ITGA2: variants seen among roughly 807,000 people sequenced by gnomAD.
The protein encoded by ITGA2 is integrin subunit alpha 2, also known as integrin alpha-2.
Under a neutral mutation model 146.3 loss-of-function variants are expected in ITGA2, and 101 were observed. The ratio of observed to expected loss-of-function variants is 0.69; its 90% confidence interval spans 0.59 to 0.81. ITGA2 has a LOEUF of 0.81. Among genes scored for constraint, ITGA2 ranks in the 40% least tolerant of loss-of-function variants. The probability of loss-of-function intolerance (pLI) is 0.00; values close to 1 mark genes in which losing one functional copy is unlikely to be tolerated. For missense variants in ITGA2, 1,281 were observed against 1,402.7 expected (o/e 0.91, Z 1.39); for synonymous variants, 477 against 487.1 (o/e 0.98, Z 0.27).
intron 4 of ITGA2, among the ~76,000 whole-genome samples, chr5:53,045,926 C>T (rs10940289): frequency 0.039 from 5,914 of 152,006 alleles, 157 homozygotes; most frequent in East Asian, 0.075. Flanking sequence ...CGCGGTGGCT[C>T]ATGGCTGTAA....
At chr5:53,076,878 C>T (rs1745686117) in intron 23 of ITGA2, among the ~76,000 whole-genome samples, 1 of 151,958 alleles carries the variant, frequency 6.6e-6, no homozygotes. Context: ...GGGTCCTAGT[C>T]CTACTACCTA....
At chr5:53,087,128 C>CT (rs1746196702) in intron 28 of ITGA2, 87 bp downstream of exon 28, 1 of 873,822 alleles carries the variant, frequency 1.1e-6, no homozygotes, top group Admixed American at 1.8e-5. Flanking sequence ...CTCTTCTTAC[C>CT]TACATGTATG....
At position 53,066,471 on chromosome 5, in the gene ITGA2, GA is replaced by G. The variant is rs1221423955; in HGVS notation, c.1943+496del. On this transcript the variant is annotated intron_variant, in intron 15 of 29. Transcript: ENST00000296585. ...TCCACAGGAGTTGAAGATTCAGAGA[GA>G]ACAGTGTGAAGGTCATGTGATTCAA... 2.6e-5 allele frequency among the ~76,000 whole-genome samples: 4 copies of G among 151,994 alleles called. No homozygotes were observed. In the East Asian group the frequency reaches 7.8e-4, roughly 30 times the overall value.
intron 2 of ITGA2, among the ~76,000 whole-genome samples, chr5:53,039,535 G>C (rs938329929): frequency 6.6e-5 from 10 of 151,734 alleles, no homozygotes; most frequent in Admixed American, 5.3e-4. Context: ...CCTGACGTTA[G>C]GAGGTTGAGA....
rs761716162 is a variant in ITGA2 at position 53,042,157 on chromosome 5, G to A, written c.231G>A (p.Met77Ile). 2 of 1,613,444 alleles carry A rather than the reference G, an allele frequency of 1.2e-6. No individual in the cohort carries two copies. The highest frequency in any genetic ancestry group is 2.2e-5 in the South Asian group (2 of 91,080). Residue 77 changes from methionine (M) to isoleucine (I), a missense_variant, in exon 3 of 30, where the codon ATG becomes ATA. Met to Ile is a conservative substitution (Grantham distance 10). Around this residue, in one of 3 missense-constraint regions of ITGA2, gnomAD observed 795 missense variants for 841.7 expected, o/e 0.94. Coordinates refer to ENST00000296585, the MANE Select transcript of ITGA2 (RefSeq NM_002203.4). Reference sequence around the variant, plus strand: ...GGAGTGGCTTTCCTGAGAACCGAATGGGAGATGTGTATAAATGTCCTGTTG... The same window carrying A: ...GGAGTGGCTTTCCTGAGAACCGAATAGGAGATGTGTATAAATGTCCTGTTG... ...SPWSGFPENR[M>I]GDVYKCPVDL...
At position 53,018,346 on chromosome 5, in the gene ITGA2, G is replaced by A. The variant is rs896392480; in HGVS notation, c.65-8402G>A. Among the ~76,000 whole-genome samples the A allele has an allele frequency of 3.9e-5, 6 of 152,136 alleles. No individual in the cohort carries two copies. In the South Asian group the frequency reaches 1.0e-3, roughly 26 times the overall value. On this transcript the variant is annotated intron_variant, in intron 1 of 29. Transcript: ENST00000296585. ...TGTCTTTGTGTCAGCTCAGGTGTCC[G>A]TGGGGGTCGTGAGTTCCGCTGCTAG...
chr5:53,068,741 A>G (rs1465742987), intron 16 of ITGA2, among the ~76,000 whole-genome samples: 1 of 151,850 alleles, frequency 6.6e-6, no homozygotes, highest in African/African-American at 2.4e-5. Context: ...CGTGAATCCC[A>G]TCTTCACAAC....
At position 53,093,814 on chromosome 5, in the gene ITGA2, GCTTATA is replaced by G. The variant is rs2112066074; in HGVS notation, c.*3216_*3221del. ...GGTAAAAACTTGACTGCAACACAAGGCTTATAAAATAGTAAGATAGTAAAATAGCTT... is the reference window on the plus strand; with the variant it reads ...GGTAAAAACTTGACTGCAACACAAGGAAATAGTAAGATAGTAAAATAGCTT... On this transcript the variant is annotated 3_prime_UTR_variant, in exon 30 of 30. Coordinates refer to ENST00000296585, the MANE Select transcript of ITGA2 (RefSeq NM_002203.4). 1 of 152,666 alleles carries G rather than the reference GCTTATA, an allele frequency of 6.6e-6. No individual in the cohort carries two copies. The highest frequency in any genetic ancestry group is 2.1e-4 in the South Asian group (1 of 4,830). 9.5% of individuals were successfully genotyped at this position (152,666 alleles called of 1,614,324 possible).
At chr5:53,003,308 A>C (rs143305578) in intron 1 of ITGA2, among the ~76,000 whole-genome samples, 314 of 152,326 alleles carry the variant, frequency 2.1e-3, no homozygotes, top group African/African-American at 6.7e-3. Context: ...CTTGACTGTG[A>C]GTAACTGAAT....
intron 10 of ITGA2, among the ~76,000 whole-genome samples, chr5:53,059,446 G>A (rs1014103195): frequency 2.6e-5 from 4 of 152,036 alleles, no homozygotes; most frequent in African/African-American, 4.8e-5. Context: ...CGTCTCTCCC[G>A]TGTCAGTACT....
At chr5:53,061,437 A>C (rs1744902317) in intron 12 of ITGA2, among the ~76,000 whole-genome samples, 1 of 151,980 alleles carries the variant, frequency 6.6e-6, no homozygotes. Flanking sequence ...GTAGGTAAGC[A>C]CACACTAGGA....
intron 8 of ITGA2, 136 bp from the exon 9 acceptor site, chr5:53,055,848 A>T: frequency 8.0e-7 from 1 of 1,242,578 alleles, no homozygotes; most frequent in East Asian, 2.4e-5. Flanking sequence ...AATCCTGTCT[A>T]CTAAATAAAG....
chr5:53,040,943 T>C (rs1172088602), intron 2 of ITGA2, among the ~76,000 whole-genome samples: 2 of 152,184 alleles, frequency 1.3e-5, no homozygotes, highest in East Asian at 3.8e-4. Context: ...TTATTTTACT[T>C]GTCACATATA....
intron 1 of ITGA2, among the ~76,000 whole-genome samples, chr5:53,003,905 C>T (rs1018785138): frequency 6.6e-6 from 1 of 152,084 alleles, no homozygotes; most frequent in African/African-American, 2.4e-5. Context: ...CTCAGCCTCC[C>T]GAAGTGCTGG....
At chr5:53,069,154 CA>C (rs1561140744) in intron 16 of ITGA2, among the ~76,000 whole-genome samples, 1 of 151,738 alleles carries the variant, frequency 6.6e-6, no homozygotes, top group African/African-American at 2.4e-5. Context: ...AGAATAACCC[CA>C]AATAAGGCAA....
chr5:53,009,221 T>C (rs1037256377), intron 1 of ITGA2, among the ~76,000 whole-genome samples: 2 of 152,184 alleles, frequency 1.3e-5, no homozygotes, highest in Non-Finnish European at 2.9e-5. Context: ...ATTCTTGATA[T>C]ACCCATTGTA....
At chr5:52,989,675 G>A in intron 1 of ITGA2, 143 bp downstream of exon 1, 1 of 840,522 alleles carries the variant, frequency 1.2e-6, no homozygotes, top group Non-Finnish European at 2.0e-6. Flanking sequence ...CCAGCCACCA[G>A]GACCTGCTTG....
intron 2 of ITGA2, among the ~76,000 whole-genome samples, chr5:53,031,598 C>G (rs981363275): frequency 6.6e-6 from 1 of 152,224 alleles, no homozygotes; most frequent in South Asian, 2.1e-4. Flanking sequence ...AATCTTAACT[C>G]TTTTGCTAGT....
intron 16 of ITGA2, 110 bp downstream of exon 16, chr5:53,067,367 T>G (rs866985356): frequency 1.9e-5 from 23 of 1,193,302 alleles, no homozygotes; most frequent in Non-Finnish European, 2.7e-5. Context: ...GTTTTAGTTA[T>G]AGACACTTAA....
Sources: allele counts gnomAD v4.1 joint callset (sites outside exome capture counted in the v4.1 genomes callset), GRCh38; gene constraint gnomAD v4.1.1; regional missense constraint gnomAD v4.1.1; transcripts MANE v1.5; gene names NCBI Gene and HGNC (gene_info 2026-07-23, HGNC 2026-07-21).